BCAS3: variants seen among roughly 807,000 people sequenced by gnomAD.
The protein encoded by BCAS3 is BCAS3 microtubule associated cell migration factor.
BCAS3 carries 53 observed loss-of-function variants against 116.1 expected under a neutral mutation model. The observed-to-expected ratio is 0.46, with a 90% CI of 0.37 to 0.57. The LOEUF is 0.57. Ranked by LOEUF, BCAS3 falls within the 20% of genes least tolerant of loss-of-function variation. BCAS3 has a pLI of 0.00. For synonymous variants in BCAS3, 391 were observed against 408.2 expected (o/e 0.96, Z 0.51); for missense variants, 917 against 1,165.4 (o/e 0.79, Z 3.10).
chr17:60,936,544 C>A (rs1009055759), intron 13 of BCAS3, among the ~76,000 whole-genome samples: 1 of 152,078 alleles, frequency 6.6e-6, no homozygotes, highest in Middle Eastern at 3.2e-3. Flanking sequence ...TTTTAGTGAT[C>A]GTCATTCTAA....
At chr17:61,290,582 C>T (rs907924545) in intron 22 of BCAS3, among the ~76,000 whole-genome samples, 1 of 152,084 alleles carries the variant, frequency 6.6e-6, no homozygotes, top group Non-Finnish European at 1.5e-5. Flanking sequence ...ATCTAGATAA[C>T]GAAAAACGAC....
At chr17:61,149,130 G>A (rs1422736725) in intron 22 of BCAS3, among the ~76,000 whole-genome samples, 2 of 151,288 alleles carry the variant, frequency 1.3e-5, no homozygotes, top group Non-Finnish European at 2.9e-5. Flanking sequence ...ATTTTACAAA[G>A]CCTGACCTTG....
intron 14 of BCAS3, among the ~76,000 whole-genome samples, chr17:60,955,601 G>A (rs1055366443): frequency 1.3e-5 from 2 of 151,874 alleles, no homozygotes; most frequent in Non-Finnish European, 2.9e-5. Context: ...GGCCAGGATG[G>A]TCTGGATATC....
intron 7 of BCAS3, among the ~76,000 whole-genome samples, chr17:60,864,069 A>C (rs1371315607): frequency 1.3e-5 from 2 of 152,196 alleles, no homozygotes; most frequent in African/African-American, 4.8e-5. Flanking sequence ...AGAAACCTGG[A>C]AGTTACAGAT....
chr17:61,312,226 A>C (rs544964063), intron 22 of BCAS3, among the ~76,000 whole-genome samples: 2 of 151,992 alleles, frequency 1.3e-5, no homozygotes, highest in Non-Finnish European at 2.9e-5. Context: ...TGTTGTGCTT[A>C]TTTGCTCTCT....
At chr17:61,038,228 CCTT>C (rs1311711443) in intron 18 of BCAS3, among the ~76,000 whole-genome samples, 174 bp downstream of exon 18, 1 of 151,986 alleles carries the variant, frequency 6.6e-6, no homozygotes, top group African/African-American at 2.4e-5. Context: ...TGTAATCTCT[CCTT>C]CTTTCACCCC....
intron 9 of BCAS3, among the ~76,000 whole-genome samples, chr17:60,876,925 C>T (rs1371361239): frequency 6.6e-6 from 1 of 151,890 alleles, no homozygotes; most frequent in African/African-American, 2.4e-5. Context: ...TTTTTGTTCT[C>T]TTAATAATAA....
intron 19 of BCAS3, among the ~76,000 whole-genome samples, chr17:61,052,738 G>C (rs1389053748): frequency 1.7e-5 from 2 of 118,578 alleles, no homozygotes; most frequent in Admixed American, 2.0e-4. Flanking sequence ...TTTTTTTTGA[G>C]ACGGGGTTTC....
At chr17:60,865,704 C>T (rs2054538888) in intron 7 of BCAS3, among the ~76,000 whole-genome samples, 1 of 152,074 alleles carries the variant, frequency 6.6e-6, no homozygotes, top group Non-Finnish European at 1.5e-5. Flanking sequence ...ATCATGTTAT[C>T]TGTGATGGTT....
intron 22 of BCAS3, among the ~76,000 whole-genome samples, chr17:61,127,479 A>G (rs1887403794): frequency 2.0e-5 from 3 of 152,090 alleles, no homozygotes; most frequent in African/African-American, 7.2e-5. Flanking sequence ...GCTGTCCAAT[A>G]CAATAGCCAC....
At chr17:60,689,603 G>A in intron 3 of BCAS3, 83 bp from the exon 4 acceptor site, 1 of 980,300 alleles carries the variant, frequency 1.0e-6, no homozygotes, top group Non-Finnish European at 1.6e-6. Flanking sequence ...GTATAGTGTT[G>A]GCTTTAAGTC....
chr17:61,225,076 A>C (rs1399016079), intron 22 of BCAS3, among the ~76,000 whole-genome samples: 4 of 152,086 alleles, frequency 2.6e-5, no homozygotes, highest in Non-Finnish European at 5.9e-5. Flanking sequence ...AGTTGGCCAC[A>C]GGAGACTTGT....
At chr17:60,828,832 C>T (rs1299946372) in intron 7 of BCAS3, among the ~76,000 whole-genome samples, 1 of 152,026 alleles carries the variant, frequency 6.6e-6, no homozygotes, top group Non-Finnish European at 1.5e-5. Flanking sequence ...TCCAGGACAT[C>T]GTTTCTTAAC....
chr17:61,219,246 A>T lies in BCAS3; in HGVS notation c.2425+134682A>T, dbSNP rs1306369125. Among the ~76,000 whole-genome samples the T allele has an allele frequency of 6.6e-6, 1 of 152,038 alleles. No homozygotes were observed. The highest frequency in any genetic ancestry group is 2.4e-5 in the African/African-American group (1 of 41,422). ...TCTAAACATACAATCTCTGAGAAAGATCCTTGTCCAGAAATCCTGTGTCTC... is the reference window on the plus strand; with the variant it reads ...TCTAAACATACAATCTCTGAGAAAGTTCCTTGTCCAGAAATCCTGTGTCTC... On this transcript the variant is annotated intron_variant, in intron 22 of 23. Transcript: ENST00000407086. The surrounding 1 kb of genome is among the most constrained non-coding windows in gnomAD (Gnocchi z 5.2).
Position 60,993,514 on chromosome 17 carries a change from G to A in BCAS3, c.1486+3279G>A, listed in dbSNP as rs6504011. Among the ~76,000 whole-genome samples, 11 of 151,966 alleles carry A rather than the reference G, an allele frequency of 7.2e-5. No individual in the cohort carries two copies. Among genetic ancestry groups the A allele is most frequent in the African/African-American group, 1.2e-4 (5 of 41,340 alleles). ...TTAAAATTTTATTTCCAGAATTTCC[G>A]TCTATTACTCTGTGTAGTTTTTCTC... On this transcript the variant is annotated intron_variant, in intron 15 of 23. Transcript: ENST00000407086. The surrounding 1 kb of genome is among the most constrained non-coding windows in gnomAD (Gnocchi z 4.2).
rs2059465269 is a variant in BCAS3 at position 61,378,892 on chromosome 17, A to C, written c.2593+10398A>C. ...AGAGCTGTAATGGGAGTTTGGGCTGAGACTCTCCTCTGCATATTTCTTAGT... is the reference window on the plus strand; with the variant it reads ...AGAGCTGTAATGGGAGTTTGGGCTGCGACTCTCCTCTGCATATTTCTTAGT... On this transcript the variant is annotated intron_variant, in intron 23 of 23. Coordinates refer to ENST00000407086, the MANE Select transcript of BCAS3 (RefSeq NM_017679.5). This position sits in a 1 kb window ranked among gnomAD's most constrained non-coding sequence, Gnocchi z 5.8. The C allele has an allele frequency of 6.6e-6, 1 of 152,268 alleles. No homozygotes were observed. Among genetic ancestry groups the C allele is most frequent in the South Asian group, 2.1e-4 (1 of 4,832 alleles). The allele number at this position is 152,268 out of a possible 1,614,324, so 9.4% of individuals were successfully genotyped here.
chr17:61,302,886 G>A lies in BCAS3; in HGVS notation c.2426-65441G>A, dbSNP rs948147512. On this transcript the variant is annotated intron_variant, in intron 22 of 23. Transcript: ENST00000407086. This position sits in a 1 kb window ranked among gnomAD's most constrained non-coding sequence, Gnocchi z 4.4. ...ATCACTTTCTAAATTCCTTTTCCAC[G>A]AAATACGGGCTTTGAGAGAGAAGAC... 3.9e-5 allele frequency among the ~76,000 whole-genome samples: 6 copies of A among 152,160 alleles called. No homozygotes were observed. The highest frequency in any genetic ancestry group is 7.2e-5 in the African/African-American group (3 of 41,430).
In BCAS3 at chr17:61,222,762, C is replaced by T. The variant is rs1482367024; in HGVS notation, c.2425+138198C>T. On this transcript the variant is annotated intron_variant, in intron 22 of 23. Coordinates refer to ENST00000407086, the MANE Select transcript of BCAS3 (RefSeq NM_017679.5). The surrounding 1 kb of genome is among the most constrained non-coding windows in gnomAD (Gnocchi z 6.1). Reference sequence around the variant, plus strand: ...GCCACTCTGCGACTCCAGGTCGATTCGTCTGCCTGTTGGCTTTTTTGATTT... The same window carrying T: ...GCCACTCTGCGACTCCAGGTCGATTTGTCTGCCTGTTGGCTTTTTTGATTT... Among the ~76,000 whole-genome samples, 2 of 152,138 alleles carry T rather than the reference C, an allele frequency of 1.3e-5. No homozygotes were observed. The highest frequency in any genetic ancestry group is 2.9e-5 in the Non-Finnish European group (2 of 68,022).
chr17:60,924,518 C>CTTTTTTTTTTTT lies in BCAS3; in HGVS notation c.1087+25_1087+36dup. The CTTTTTTTTTTTT allele has an allele frequency of 9.1e-7, 1 of 1,100,122 alleles. No individual in the cohort carries two copies. The highest frequency in any genetic ancestry group is 1.2e-6 in the Non-Finnish European group (1 of 801,694). The allele number at this position is 1,100,122 out of a possible 1,614,324, so 68.1% of individuals were successfully genotyped here. A position where few individuals can be genotyped will look rare whatever the true frequency, so the allele number is the denominator to read the frequency against. ...TACAAGTGGTAAGTTCGCTCTCTGT[C>CTTTTTTTTTTTT]TTTTTTTTTTTTTTTTTTGTAGACC... On this transcript the variant is annotated intron_variant, in intron 13 of 23. Coordinates refer to ENST00000407086, the MANE Select transcript of BCAS3 (RefSeq NM_017679.5).
Sources: allele counts gnomAD v4.1 joint callset (sites outside exome capture counted in the v4.1 genomes callset), GRCh38; gene constraint gnomAD v4.1.1; non-coding constraint Gnocchi (gnomAD v3.1); transcripts MANE v1.5; gene names NCBI Gene and HGNC (gene_info 2026-07-23, HGNC 2026-07-21).